PUS10: variants seen among roughly 807,000 people sequenced by gnomAD.
PUS10 encodes the protein pseudouridine synthase 10.
PUS10 carries 59 observed loss-of-function variants against 75.0 expected under a neutral mutation model. The ratio of observed to expected loss-of-function variants is 0.79; its 90% CI spans 0.64 to 0.98. PUS10 has a LOEUF of 0.98. Ranked by LOEUF, PUS10 falls within the 50% of genes least tolerant of loss-of-function variation. The pLI, the probability that PUS10 is intolerant of heterozygous loss-of-function variation, is 0.00. For missense variants in PUS10, 650 were observed against 614.4 expected (o/e 1.06, Z -0.61); for synonymous variants, 219 against 211.6 (o/e 1.03, Z -0.30).
At chr2:60,976,848 T>C (rs1290851829) in intron 4 of PUS10, among the ~76,000 whole-genome samples, 1 of 152,190 alleles carries the variant, frequency 6.6e-6, no homozygotes, top group Non-Finnish European at 1.5e-5. Flanking sequence ...TTGATAAATG[T>C]TCTGTCCCTT....
At chr2:61,008,678 A>T in intron 3 of PUS10, 83 bp downstream of exon 3, 2 of 1,166,230 alleles carry the variant, frequency 1.7e-6, no homozygotes, top group Non-Finnish European at 2.4e-6. Flanking sequence ...TTGTCTTGAA[A>T]AAAGGAAAGA....
chr2:60,993,847 T>C (rs954485928), intron 4 of PUS10, among the ~76,000 whole-genome samples: 4 of 152,140 alleles, frequency 2.6e-5, no homozygotes, highest in Non-Finnish European at 5.9e-5. Context: ...TGGAGTGCAG[T>C]GGCGCGATCT....
chr2:61,006,530 C>A, intron 4 of PUS10, 27 bp downstream of exon 4: 1 of 1,476,498 alleles, frequency 6.8e-7, no homozygotes. Flanking sequence ...ACTTCACATA[C>A]AGTTTTATGC....
At chr2:61,002,312 C>T (rs944481601) in intron 4 of PUS10, among the ~76,000 whole-genome samples, 2 of 152,218 alleles carry the variant, frequency 1.3e-5, no homozygotes, top group Admixed American at 6.5e-5. Context: ...TGATTTCCAT[C>T]ATGTGCCGAA....
chr2:61,005,070 C>G (rs1278913842), intron 4 of PUS10, among the ~76,000 whole-genome samples: 2 of 152,142 alleles, frequency 1.3e-5, no homozygotes, highest in African/African-American at 4.8e-5. Flanking sequence ...GCCTGACCAA[C>G]GTGGAGAAAC....
At chr2:61,004,290 T>C (rs908026478) in intron 4 of PUS10, among the ~76,000 whole-genome samples, 41 of 152,278 alleles carry the variant, frequency 2.7e-4, no homozygotes, top group Admixed American at 5.9e-4. Context: ...TTGCACAGCA[T>C]ATCTCAACTC....
At chr2:60,989,270 G>C (rs1033046226) in intron 4 of PUS10, among the ~76,000 whole-genome samples, 1 of 152,182 alleles carries the variant, frequency 6.6e-6, no homozygotes, top group Non-Finnish European at 1.5e-5. Flanking sequence ...AAAAGAGGCA[G>C]ATTCTCAGAT....
intron 4 of PUS10, among the ~76,000 whole-genome samples, chr2:60,977,037 A>C (rs1444903667): frequency 1.3e-5 from 2 of 152,196 alleles, no homozygotes; most frequent in East Asian, 3.9e-4. Context: ...TTATTGGAGA[A>C]TGTTAGGCAA....
At chr2:61,011,633 CATTTT>C (rs1246182631) in intron 2 of PUS10, 127 bp downstream of exon 2, 1 of 605,446 alleles carries the variant, frequency 1.7e-6, no homozygotes, top group African/African-American at 2.0e-5. Context: ...GAATATCACT[CATTTT>C]ATTATAGTTT....
At chr2:61,014,080 C>T (rs1573533594) in intron 1 of PUS10, among the ~76,000 whole-genome samples, 1 of 150,506 alleles carries the variant, frequency 6.6e-6, no homozygotes, top group Admixed American at 6.6e-5. Context: ...ATGAGTAAAA[C>T]CTCCAACAAA....
intron 4 of PUS10, among the ~76,000 whole-genome samples, chr2:61,003,120 C>CT (rs1678957669): frequency 6.6e-6 from 1 of 152,150 alleles, no homozygotes; most frequent in Non-Finnish European, 1.5e-5. Flanking sequence ...AAAATATAGA[C>CT]TTTTCTTTCT....
chr2:60,959,377 C>G (rs1675873646), intron 11 of PUS10, among the ~76,000 whole-genome samples: 1 of 152,158 alleles, frequency 6.6e-6, no homozygotes, highest in Non-Finnish European at 1.5e-5. Flanking sequence ...CAGGAGAGAA[C>G]AGTCATTTTT....
intron 11 of PUS10, among the ~76,000 whole-genome samples, chr2:60,957,074 C>A (rs1468408929): frequency 6.7e-6 from 1 of 149,144 alleles, no homozygotes; most frequent in African/African-American, 2.5e-5. Context: ...GTGAGAGAAA[C>A]CTGGGAGGTA....
At chr2:60,995,288 T>TTGG (rs1358422598) in intron 4 of PUS10, among the ~76,000 whole-genome samples, 1 of 152,198 alleles carries the variant, frequency 6.6e-6, no homozygotes, top group African/African-American at 2.4e-5. Flanking sequence ...TCAATAACTG[T>TTGG]TGGTGGCTTG....
At chr2:60,947,271 G>C (rs1215109266) in intron 16 of PUS10, among the ~76,000 whole-genome samples, 2 of 152,144 alleles carry the variant, frequency 1.3e-5, no homozygotes, top group East Asian at 1.9e-4. Flanking sequence ...TACTAGGCCA[G>C]TGGCCAAGTA....
chr2:60,973,347 G>A (rs1676813826), intron 4 of PUS10, among the ~76,000 whole-genome samples: 1 of 152,240 alleles, frequency 6.6e-6, no homozygotes, highest in South Asian at 2.1e-4. Flanking sequence ...TGCACTTTCA[G>A]GGACCCGGGA....
At position 60,960,421 on chromosome 2, in the gene PUS10, T is replaced by C. The variant is rs1419688671; in HGVS notation, c.971A>G (p.Asp324Gly). The C allele has an allele frequency of 6.4e-7, 1 of 1,573,624 alleles. No homozygotes were observed. Among genetic ancestry groups the C allele is most frequent in the South Asian group, 1.2e-5 (1 of 83,574 alleles). ...LESSVEELIS[D>G]HLLAVFKAES... ...TGCTTTAAATACTGCCAACAGATGA[T>C]CTGAAATTAATTCTTCCACTGAAGA... The change falls in exon 11 of 18, where the codon GAT becomes GGT. Residue 324 changes from aspartate to glycine, a missense_variant. Transcript: ENST00000316752.
chr2:60,975,292 G>A (rs1285649825), intron 4 of PUS10, among the ~76,000 whole-genome samples: 1 of 151,926 alleles, frequency 6.6e-6, no homozygotes, highest in Non-Finnish European at 1.5e-5. Context: ...GACTACAGGT[G>A]CACGCCACCA....
At chr2:61,011,121 T>C (rs1323315602) in intron 2 of PUS10, among the ~76,000 whole-genome samples, 2 of 152,214 alleles carry the variant, frequency 1.3e-5, no homozygotes, top group African/African-American at 4.8e-5. Context: ...ATAATGTATA[T>C]ATTTACATAT....
Sources: gnomAD v4.1 joint callset for allele counts (sites outside exome capture counted in the v4.1 genomes callset) on GRCh38, gnomAD v4.1.1 for gene constraint, MANE v1.5 for transcripts, NCBI Gene and HGNC (gene_info 2026-07-23, HGNC 2026-07-21) for gene names.